Variants in C8B observed in about 807,000 individuals in gnomAD.
C8B encodes the protein complement C8 beta chain, also known as complement component C8 beta chain.
In C8B, 67 loss-of-function variants were observed where a neutral mutation model predicts 64.6. The observed-to-expected ratio is 1.04, with a 90% CI of 0.85 to 1.27. C8B has a LOEUF of 1.27. Ranked by LOEUF, C8B falls within the 50% of genes most tolerant of loss-of-function variation. C8B has a pLI of 0.00. For missense variants in C8B, 790 were observed against 725.2 expected, an observed-to-expected ratio of 1.09 and a Z score of -1.03; for synonymous variants, 284 against 257.7, an observed-to-expected ratio of 1.10 and a Z score of -0.98.
At chr1:56,935,848 T>C (rs1194585417) in intron 9 of C8B, among the ~76,000 whole-genome samples, 2 of 152,232 alleles carry the variant, frequency 1.3e-5, no homozygotes, top group Non-Finnish European at 2.9e-5. Flanking sequence ...TAGATGGACC[T>C]ATCCAAGGGA....
chr1:56,957,963 G>A (rs907463285), intron 2 of C8B, among the ~76,000 whole-genome samples: 5 of 152,184 alleles, frequency 3.3e-5, no homozygotes, highest in East Asian at 1.9e-4. Context: ...AAGAACTGAC[G>A]AGAGTGGGGC....
In C8B at chr1:56,949,008, A is replaced by ATT. The variant is rs35709186; in HGVS notation, c.864+545_864+546dup. Among the ~76,000 whole-genome samples, 884 of 148,590 alleles carry ATT rather than the reference A, an allele frequency of 5.9e-3. 5 individuals are homozygous for ATT. The highest frequency in any genetic ancestry group is 0.013 in the East Asian group (65 of 5,064). Reference sequence around the variant, plus strand: ...GGTCTCTCTAAAAAGTAAGTTAGCTATTTTTTTTTTTTGAGAAGATTTCAA... The same window carrying ATT: ...GGTCTCTCTAAAAAGTAAGTTAGCTATTTTTTTTTTTTTTGAGAAGATTTCAA... On this transcript the variant is annotated intron_variant, in intron 6 of 11. Transcript: ENST00000371237.
rs1329987225 is a variant in C8B, at chr1:56,948,006, C to T, written c.864+1549G>A. 4.6e-5 allele frequency among the ~76,000 whole-genome samples: 7 copies of T among 152,132 alleles called. No individual in the cohort carries two copies. The South Asian group carries it at 1.0e-3, about 23-fold the overall frequency. On this transcript the variant is annotated intron_variant, in intron 6 of 11. Coordinates refer to ENST00000371237, the MANE Select transcript of C8B (RefSeq NM_000066.4). ...ATATTGGCTTTCATGTTTGCTGCTC[C>T]TACTACACTGCACTGTGAACACGAA...
At chr1:56,959,645 C>T in intron 2 of C8B, 1 of 1,534,564 alleles carries the variant, frequency 6.5e-7, no homozygotes, top group Non-Finnish European at 8.7e-7. Flanking sequence ...AAACCATGAT[C>T]CTGGACTTGA....
At chr1:56,965,724 T>C in intron 1 of C8B, 133 bp downstream of exon 1, 1 of 885,408 alleles carries the variant, frequency 1.1e-6, no homozygotes, top group Non-Finnish European at 1.9e-6. Flanking sequence ...TAGTATGTTA[T>C]CAGATGCATG....
In C8B at chr1:56,945,870, G is replaced by A. The variant is rs750248879; in HGVS notation, c.1056C>T (p.Gly352=). 5.6e-6 allele frequency: 9 copies of A among 1,614,016 alleles called. No individual in the cohort carries two copies. The highest frequency in any genetic ancestry group is 6.8e-6 in the Non-Finnish European group (8 of 1,179,942). Residue 352 remains glycine, a synonymous_variant, in exon 7 of 12, where the codon GGC becomes GGT. Transcript: ENST00000371237. ...TCATAACGAGGGTGTATTCATAAAT[G>A]CCCCCAAGCACAGCCTCTGTGATGT... ...THYITEAVLG[G]IYEYTLVMNK...
chr1:56,949,939 GA>G (rs1644997095), intron 5 of C8B, among the ~76,000 whole-genome samples, 187 bp from the exon 6 acceptor site: 1 of 152,114 alleles, frequency 6.6e-6, no homozygotes, highest in South Asian at 2.1e-4. Flanking sequence ...AGACAGACCT[GA>G]TCAATACCTT....
chr1:56,947,516 T>C (rs1246983226), intron 6 of C8B, among the ~76,000 whole-genome samples: 1 of 152,194 alleles, frequency 6.6e-6, no homozygotes, highest in Non-Finnish European at 1.5e-5. Context: ...TGCCATTGCC[T>C]CCAATCTGAT....
intron 9 of C8B, among the ~76,000 whole-genome samples, chr1:56,939,294 G>C (rs1020205447): frequency 2.4e-4 from 37 of 152,332 alleles, no homozygotes; most frequent in African/African-American, 8.9e-4. Context: ...AGCCCCTGCA[G>C]CTCAGCTGAT....
At position 56,954,688 on chromosome 1, in the gene C8B, A is replaced by G; in HGVS notation, c.531T>C (p.Ser177=). ...GCCACAGAAAAATGGTCACTTACCC[A>G]CTGGCCAGACTGCCAATTCCCCAGT... The part of the protein sequence containing the change: ...DQYWGIGSLA[S]GINLFTNSFE... Residue 177 remains serine (S), a splice_region_variant and synonymous_variant, in exon 4 of 12, where the codon AGT becomes AGC. Coordinates refer to ENST00000371237, the MANE Select transcript of C8B (RefSeq NM_000066.4). 1 of 1,614,136 alleles carries G rather than the reference A, an allele frequency of 6.2e-7. No homozygotes were observed. Among genetic ancestry groups the G allele is most frequent in the Non-Finnish European group, 8.5e-7 (1 of 1,180,002 alleles).
rs765214980 is a variant in C8B at position 56,965,856 on chromosome 1, C to T, written c.92+1G>A. ...GGGAATTATTGGTAACTGTCACTTA[C>T]CTGGAGCCAGGCAAACTGAGACAGC... On this transcript the variant is annotated splice_donor_variant, in intron 1 of 11. Transcript: ENST00000371237. LOFTEE classifies it high-confidence loss of function. 1.4e-5 allele frequency: 23 copies of T among 1,614,014 alleles called. No homozygotes were observed. The highest frequency in any genetic ancestry group is 1.8e-5 in the Non-Finnish European group (21 of 1,180,030).
At chr1:56,946,126 A>G in intron 6 of C8B, 65 bp from the exon 7 acceptor site, 3 of 1,587,290 alleles carry the variant, frequency 1.9e-6, no homozygotes, top group Non-Finnish European at 2.6e-6. Flanking sequence ...CGAGAAGATG[A>G]ACTTTACAAA....
Position 56,956,902 on chromosome 1 carries a change from A to T in C8B, c.258T>A (p.Tyr86Ter). The T allele has an allele frequency of 6.2e-7, 1 of 1,614,114 alleles. No individual in the cohort carries two copies. Among genetic ancestry groups the T allele is most frequent in the South Asian group, 1.1e-5 (1 of 91,084 alleles). Residue 86 changes from tyrosine to a stop codon, truncating the protein, a stop_gained, in exon 3 of 12, where the codon TAT becomes TAA. Transcript: ENST00000371237. LOFTEE classifies it high-confidence loss of function. Reference protein sequence around the residue: ...CDPCQKKRYRYAYLLQPSQFH... With the variant: ...CDPCQKKRYR ...ACTGAGAGGGCTGGAGCAAGTAGGC[A>T]TACCTGTACTGTAGCAGAGAGGAGC...
At chr1:56,943,193 C>G (rs1644890575) in intron 8 of C8B, among the ~76,000 whole-genome samples, 1 of 152,172 alleles carries the variant, frequency 6.6e-6, no homozygotes, top group African/African-American at 2.4e-5. Context: ...CAGCTTAGCA[C>G]TATCTAGTCA....
At chr1:56,934,234 C>T (rs74843250) in intron 9 of C8B, among the ~76,000 whole-genome samples, 5,250 of 145,582 alleles carry the variant, frequency 0.036, 296 homozygotes, top group African/African-American at 0.13. Context: ...CTCTGTGTTT[C>T]GAGGGTCCAG....
chr1:56,961,793 A>C (rs114602579), intron 1 of C8B, among the ~76,000 whole-genome samples: 5,399 of 152,278 alleles, frequency 0.035, 277 homozygotes, highest in African/African-American at 0.12. Context: ...CATGACCGCC[A>C]CAGAGACCAG....
chr1:56,934,677 TC>T (rs1011407110), intron 9 of C8B, among the ~76,000 whole-genome samples: 1 of 152,022 alleles, frequency 6.6e-6, no homozygotes. Context: ...TGACCTTTGC[TC>T]CAGTGGGCAA....
chr1:56,934,629 G>C lies in C8B; in HGVS notation c.1399-1141C>G, dbSNP rs573035335. On this transcript the variant is annotated intron_variant, in intron 9 of 11. Coordinates refer to ENST00000371237, the MANE Select transcript of C8B (RefSeq NM_000066.4). ...TCATGACTAATAGAAGCCTCCCTTG[G>C]GAAGAAAATTGCTTCCATTTCTTAA... is the stretch of plus-strand genomic sequence containing the variant. Among the ~76,000 whole-genome samples the C allele has an allele frequency of 5.5e-4, 84 of 152,202 alleles. 1 individual carries two copies. The highest frequency in any genetic ancestry group is 2.0e-3 in the African/African-American group (81 of 41,528).
chr1:56,952,965 G>T (rs578031645), intron 4 of C8B, among the ~76,000 whole-genome samples: 9 of 152,196 alleles, frequency 5.9e-5, no homozygotes, highest in African/African-American at 1.9e-4. Context: ...CTTAATTTCC[G>T]TACAACCCTC....
Sources: gnomAD v4.1 joint callset for allele counts (sites outside exome capture counted in the v4.1 genomes callset) on GRCh38, gnomAD v4.1.1 for gene constraint, MANE v1.5 for transcripts, NCBI Gene and HGNC (gene_info 2026-07-23, HGNC 2026-07-21) for gene names.